Variants in BSN observed in about 807,000 individuals in gnomAD.
BSN encodes protein bassoon.
In BSN, 57 loss-of-function variants were observed where a neutral mutation model predicts 264.8. The ratio of observed to expected loss-of-function variants is 0.22; its 90% CI spans 0.17 to 0.27. The LOEUF (loss-of-function observed/expected upper bound fraction) is 0.27. BSN is among the 10% of genes least tolerant of loss of function. BSN has a pLI of 1.00. For missense variants in BSN, 4,615 were observed against 5,232.5 expected, an observed-to-expected ratio of 0.88 and a Z score of 3.64; for synonymous variants, 2,059 against 2,137.3, an observed-to-expected ratio of 0.96 and a Z score of 1.01.
chr3:49,664,919 G>T, intron 10 of BSN, 66 bp downstream of exon 10: 1 of 1,275,192 alleles, frequency 7.8e-7, no homozygotes, highest in African/African-American at 1.5e-5. Context: ...GGTGGGGGTG[G>T]GGCTCTAAGT....
intron 1 of BSN, among the ~76,000 whole-genome samples, chr3:49,575,506 A>T (rs2051838406): frequency 1.4e-5 from 2 of 147,634 alleles, no homozygotes; most frequent in Admixed American, 1.4e-4. Flanking sequence ...GTGTGTATAT[A>T]TATGTAAATA....
intron 1 of BSN, among the ~76,000 whole-genome samples, chr3:49,615,235 G>A (rs939958659): frequency 2.0e-5 from 3 of 152,208 alleles, no homozygotes; most frequent in Non-Finnish European, 4.4e-5. Context: ...TGAGTGGAAA[G>A]GATGAGTGGA....
intron 2 of BSN, among the ~76,000 whole-genome samples, chr3:49,635,760 AG>A (rs1200556476): frequency 1.3e-5 from 2 of 152,116 alleles, no homozygotes; most frequent in African/African-American, 4.8e-5. Context: ...GGATTGCTTG[AG>A]CCCAGGGATT....
At chr3:49,645,227 C>G (rs554924572) in intron 3 of BSN, among the ~76,000 whole-genome samples, 3 of 152,346 alleles carry the variant, frequency 2.0e-5, no homozygotes, top group Admixed American at 6.5e-5. Context: ...CTCCTGACAG[C>G]AGTCAGGGGT....
In BSN at chr3:49,662,498, C is replaced by T. The variant is rs769242053; in HGVS notation, c.10653C>T (p.His3551=). 7.4e-6 allele frequency: 12 copies of T among 1,612,898 alleles called. No homozygotes were observed. Among genetic ancestry groups the T allele is most frequent in the East Asian group, 2.2e-5 (1 of 44,880 alleles). Residue 3551 remains histidine (H), a synonymous_variant, in exon 6 of 12, where the codon CAC becomes CAT. Transcript: ENST00000296452. ...QEHVKDGPRA[H]AYKREEGYIL... is the part of the protein sequence containing the mutation. ...ATGTCAAGGACGGACCTCGGGCCCA[C>T]GCATATAAGCGTGAGGAGGGCTACA...
chr3:49,646,882 G>C (rs2052506441), intron 3 of BSN, among the ~76,000 whole-genome samples: 1 of 152,234 alleles, frequency 6.6e-6, no homozygotes, highest in Non-Finnish European at 1.5e-5. Flanking sequence ...GGCCCAGAAA[G>C]AAGGAGCTTA....
At chr3:49,596,130 T>C (rs2052020529) in intron 1 of BSN, among the ~76,000 whole-genome samples, 1 of 152,038 alleles carries the variant, frequency 6.6e-6, no homozygotes, top group Admixed American at 6.6e-5. Context: ...GGCAGCTGGA[T>C]GTGGTGGCTC....
chr3:49,589,717 G>T, intron 1 of BSN, among the ~76,000 whole-genome samples: 1 of 151,452 alleles, frequency 6.6e-6, no homozygotes, highest in East Asian at 1.9e-4. Flanking sequence ...ATGTTACCCA[G>T]GGTGGTCTCA....
Position 49,663,434 on chromosome 3 carries a change from C to T in BSN, c.11276C>T (p.Ser3759Leu). ...CAGGCAGCTCCAGGACCACAGCAGT[C>T]ACAGTCACCATCATCCAGGCAAATA... ...GRQAAPGPQQ[S>L]QSPSSRQIPS... Residue 3759 changes from serine to leucine, a missense_variant, in exon 7 of 12, where the codon TCA becomes TTA. Physicochemically the swap from Ser to Leu is moderately radical, Grantham distance 145. Transcript: ENST00000296452. The T allele has an allele frequency of 6.2e-7, 1 of 1,613,018 alleles. No individual in the cohort carries two copies. The highest frequency in any genetic ancestry group is 8.5e-7 in the Non-Finnish European group (1 of 1,180,006).
At position 49,657,473 on chromosome 3, in the gene BSN, A is replaced by G. The variant is rs2052618192; in HGVS notation, c.7917A>G (p.Ser2639=). The G allele has an allele frequency of 1.2e-6, 2 of 1,613,020 alleles. No individual in the cohort carries two copies. The change falls in exon 5 of 12, where the codon TCA becomes TCG. Residue 2639 remains serine, a synonymous_variant. Transcript: ENST00000296452. ...CTCGTCTTCCCCGCCACTCAGACTC[A>G]GGCTCTGACAGCAAGCACGATGCCA... ...RRSRLPRHSD[S]GSDSKHDATA...
intron 1 of BSN, among the ~76,000 whole-genome samples, chr3:49,555,474 C>G (rs1221369387): frequency 2.0e-5 from 3 of 152,190 alleles, no homozygotes; most frequent in African/African-American, 7.2e-5. Flanking sequence ...AGCAAAAATG[C>G]TATTGAGTCA....
chr3:49,624,299 C>CTTTTTTTTTTTT (rs1427835739), intron 1 of BSN, among the ~76,000 whole-genome samples: 1 of 23,342 alleles, frequency 4.3e-5, no homozygotes, highest in African/African-American at 1.0e-4. Context: ...ACGTGCCCAG[C>CTTTTTTTTTTTT]CTTTTTTTTT....
In BSN at chr3:49,656,692, G is replaced by A. The variant is rs2052605407; in HGVS notation, c.7136G>A (p.Arg2379Gln). 1.9e-6 allele frequency: 3 copies of A among 1,589,574 alleles called. No homozygotes were observed. The highest frequency in any genetic ancestry group is 2.3e-5 in the East Asian group (1 of 43,946). Residue 2379 changes from arginine (R) to glutamine (Q), a missense_variant, in exon 5 of 12, where the codon CGG becomes CAG. Physicochemically the swap from Arg to Gln is conservative, Grantham distance 43 (BLOSUM62 1). Transcript: ENST00000296452. ...CAGCTGCTCCAGCTAGAGCGGGAGC[G>A]GGTGGAGTTGGAGAAGCTGCGACAA... ...QEQLLQLERE[R>Q]VELEKLRQLR...
At chr3:49,663,939 C>A in intron 8 of BSN, 53 bp downstream of exon 8, 1 of 1,537,638 alleles carries the variant, frequency 6.5e-7, no homozygotes, top group South Asian at 1.1e-5. Flanking sequence ...CCAGGCTGTT[C>A]TCTCTCTATA....
At position 49,657,511 on chromosome 3, in the gene BSN, C is replaced by G. The variant is rs1395038810; in HGVS notation, c.7955C>G (p.Ser2652Cys). 6.2e-7 allele frequency: 1 copy of G among 1,613,096 alleles called. No homozygotes were observed. Among genetic ancestry groups the G allele is most frequent in the Non-Finnish European group, 8.5e-7 (1 of 1,180,028 alleles). Residue 2652 changes from serine to cysteine, a missense_variant, in exon 5 of 12, where the codon TCC (serine) becomes TGC (cysteine). By Grantham distance (112) the Ser-to-Cys change is moderately radical. Around this residue, in one of 3 missense-constraint regions of BSN, gnomAD observed 3,415 missense variants for 3,866.4 expected, o/e 0.88. Coordinates refer to ENST00000296452, the MANE Select transcript of BSN (RefSeq NM_003458.4). ...DSKHDATASSSSAAATVRAMS... is the reference protein window; with the variant it reads ...DSKHDATASSCSAAATVRAMS... ...AAGCACGATGCCACTGCCTCATCAT[C>G]CAGTGCTGCTGCCACTGTGAGGGCC...
chr3:49,579,326 A>G lies in BSN; in HGVS notation c.224+24500A>G, dbSNP rs185934490. On this transcript the variant is annotated intron_variant, in intron 1 of 11. Coordinates refer to ENST00000296452, the MANE Select transcript of BSN (RefSeq NM_003458.4). ...CCTTCTTATTGCCCAGTGATATTTC[A>G]TTGTATGGATGTACCACATTTTATC... Among the ~76,000 whole-genome samples the G allele has an allele frequency of 1.1e-4, 17 of 151,802 alleles. No individual in the cohort carries two copies. In the East Asian group the frequency reaches 2.3e-3, roughly 21 times the overall value.
At chr3:49,581,386 A>G (rs1381468675) in intron 1 of BSN, among the ~76,000 whole-genome samples, 3 of 152,210 alleles carry the variant, frequency 2.0e-5, no homozygotes, top group Non-Finnish European at 4.4e-5. Context: ...TACCCACGGT[A>G]TGGTACAATC....
In BSN at chr3:49,654,082, C is replaced by A; in HGVS notation, c.4526C>A (p.Pro1509Gln). The A allele has an allele frequency of 6.2e-7, 1 of 1,613,966 alleles. No individual in the cohort carries two copies. The highest frequency in any genetic ancestry group is 2.2e-5 in the East Asian group (1 of 44,880). ...RATAEFSTQT[P>Q]SPAPASDMPR... ...ACAGCAGAGTTCTCTACACAGACGCCAAGTCCAGCCCCTGCCTCAGACATG... is the reference window on the plus strand; with the variant it reads ...ACAGCAGAGTTCTCTACACAGACGCAAAGTCCAGCCCCTGCCTCAGACATG... The change falls in exon 5 of 12, where the codon CCA (proline) becomes CAA (glutamine). Residue 1509 changes from proline (P) to glutamine (Q), a missense_variant. By Grantham distance (76) the Pro-to-Gln change is moderately conservative (BLOSUM62 -1). This residue lies in a region of BSN where 3,415 missense variants were observed against 3,866.4 expected (regional missense o/e 0.88). Coordinates refer to ENST00000296452, the MANE Select transcript of BSN (RefSeq NM_003458.4). The surrounding 1 kb of genome is among the most constrained non-coding windows in gnomAD (Gnocchi z 4.1).
At chr3:49,558,122 G>C (rs187837842) in intron 1 of BSN, among the ~76,000 whole-genome samples, 1 of 152,204 alleles carries the variant, frequency 6.6e-6, no homozygotes, top group Non-Finnish European at 1.5e-5. Context: ...GTGCTTACAG[G>C]GTTGTTAATT....
Sources: allele counts gnomAD v4.1 joint callset (sites outside exome capture counted in the v4.1 genomes callset), GRCh38; gene constraint gnomAD v4.1.1; regional missense constraint gnomAD v4.1.1; non-coding constraint Gnocchi (gnomAD v3.1); transcripts MANE v1.5; gene names NCBI Gene and HGNC (gene_info 2026-07-23, HGNC 2026-07-21).